PDZRN3: variants seen among roughly 807,000 people sequenced by gnomAD.
PDZRN3 encodes E3 ubiquitin-protein ligase PDZRN3.
A neutral mutation model predicts 85.7 loss-of-function variants in PDZRN3; 38 were observed. The ratio of observed to expected loss-of-function variants is 0.44; its 90% confidence interval spans 0.34 to 0.58. The LOEUF (loss-of-function observed/expected upper bound fraction) is 0.58, where lower values mean the gene tolerates loss of function less well. Ranked by LOEUF, PDZRN3 falls within the 20% of genes least tolerant of loss-of-function variation. PDZRN3 has a pLI of 0.01. For synonymous variants in PDZRN3, 759 were observed against 638.0 expected, an observed-to-expected ratio of 1.19 and a Z score of -2.86; for missense variants, 1,629 against 1,506.4, an observed-to-expected ratio of 1.08 and a Z score of -1.35.
intron 3 of PDZRN3, among the ~76,000 whole-genome samples, chr3:73,481,487 T>C (rs1703559545): frequency 6.6e-6 from 1 of 151,676 alleles, no homozygotes; most frequent in Non-Finnish European, 1.5e-5. Flanking sequence ...TGCGCCTTCA[T>C]GGCTGGCTAA....
At chr3:73,584,457 GTGTGTGT>G (rs765979656) in intron 3 of PDZRN3, among the ~76,000 whole-genome samples, 1,015 of 52,782 alleles carry the variant, frequency 0.019, 5 homozygotes, top group African/African-American at 0.037. Flanking sequence ...TTAATGGTGT[GTGTGTGT>G]GTGTGTGTGT....
At chr3:73,499,112 G>A (rs2106680131) in intron 3 of PDZRN3, among the ~76,000 whole-genome samples, 1 of 152,232 alleles carries the variant, frequency 6.6e-6, no homozygotes, top group African/African-American at 2.4e-5. Flanking sequence ...TGGTTCTTAT[G>A]CTCCGTAATC....
chr3:73,583,804 C>G (rs1159525480), intron 3 of PDZRN3, among the ~76,000 whole-genome samples: 2 of 152,182 alleles, frequency 1.3e-5, no homozygotes, highest in Admixed American at 6.5e-5. Context: ...ACCTTAGACT[C>G]TGCTCACAGG....
intron 3 of PDZRN3, among the ~76,000 whole-genome samples, chr3:73,532,479 C>G (rs1476347886): frequency 6.6e-6 from 1 of 152,196 alleles, no homozygotes; most frequent in African/African-American, 2.4e-5. Flanking sequence ...TATCGTGCGC[C>G]AGGCATTGTG....
At chr3:73,602,273 C>T in intron 3 of PDZRN3, 81 bp downstream of exon 3, 1 of 775,064 alleles carries the variant, frequency 1.3e-6, no homozygotes, top group East Asian at 2.5e-5. Context: ...CCTCCCTCCC[C>T]AGTCAAACAT....
In PDZRN3 at chr3:73,389,852, C is replaced by T; in HGVS notation, c.1380G>A (p.Lys460=). 6.2e-7 allele frequency: 1 copy of T among 1,613,926 alleles called. No homozygotes were observed. Among genetic ancestry groups the T allele is most frequent in the Non-Finnish European group, 8.5e-7 (1 of 1,179,804 alleles). Residue 460 remains lysine, a synonymous_variant, in exon 7 of 10, where the codon AAG becomes AAA. Transcript: ENST00000263666. ...GGTCTCCTTCTCGGATGCGCCCATC[C>T]TTGGCTGCAATGCTGTTAGGGTCAA... ...SEIDPNSIAA[K]DGRIREGDRI...
intron 3 of PDZRN3, among the ~76,000 whole-genome samples, chr3:73,479,869 A>G (rs768927164): frequency 5.3e-5 from 8 of 152,218 alleles, no homozygotes; most frequent in Non-Finnish European, 8.8e-5. Context: ...CTAAACATGT[A>G]TGAGTTGCGG....
intron 3 of PDZRN3, among the ~76,000 whole-genome samples, chr3:73,463,971 T>C (rs983063125): frequency 6.6e-6 from 1 of 151,722 alleles, no homozygotes; most frequent in African/African-American, 2.4e-5. Context: ...GTGCTATGTA[T>C]TCTTTTTTAT....
chr3:73,573,522 T>G (rs1029978135), intron 3 of PDZRN3, among the ~76,000 whole-genome samples: 1 of 152,186 alleles, frequency 6.6e-6, no homozygotes, highest in Admixed American at 6.5e-5. Context: ...CAGTCACATA[T>G]TGCCTGTAAC....
intron 3 of PDZRN3, among the ~76,000 whole-genome samples, chr3:73,542,965 T>C (rs1367643696): frequency 2.0e-5 from 3 of 152,192 alleles, no homozygotes; most frequent in Non-Finnish European, 4.4e-5. Context: ...GATACTTTCC[T>C]GTGTGTACTC....
intron 3 of PDZRN3, among the ~76,000 whole-genome samples, chr3:73,562,432 C>T (rs552812006): frequency 1.3e-5 from 2 of 152,094 alleles, no homozygotes; most frequent in East Asian, 1.9e-4. Flanking sequence ...TGAAATTAGA[C>T]GTGGTTTCCA....
At chr3:73,523,603 T>C (rs998372623) in intron 3 of PDZRN3, among the ~76,000 whole-genome samples, 3 of 152,130 alleles carry the variant, frequency 2.0e-5, no homozygotes, top group African/African-American at 7.2e-5. Flanking sequence ...TAAGGAATAC[T>C]ATGAAAAAAT....
intron 3 of PDZRN3, among the ~76,000 whole-genome samples, chr3:73,457,236 C>T (rs904554746): frequency 2.0e-5 from 3 of 152,018 alleles, no homozygotes; most frequent in African/African-American, 7.2e-5. Flanking sequence ...CCATGCCCGG[C>T]TAATTTTTGT....
chr3:73,566,344 C>T (rs1701950122), intron 3 of PDZRN3, among the ~76,000 whole-genome samples: 1 of 152,148 alleles, frequency 6.6e-6, no homozygotes, highest in Non-Finnish European at 1.5e-5. Context: ...TTTACATGAA[C>T]TGTGAGCACA....
At chr3:73,410,990 G>C (rs57106233) in intron 3 of PDZRN3, among the ~76,000 whole-genome samples, 6,154 of 152,326 alleles carry the variant, frequency 0.04, 128 homozygotes, top group Middle Eastern at 0.051. Context: ...TTGGCAACAA[G>C]CTGTTTCTAC....
At chr3:73,532,309 A>G (rs1472909040) in intron 3 of PDZRN3, among the ~76,000 whole-genome samples, 2 of 152,128 alleles carry the variant, frequency 1.3e-5, no homozygotes, top group African/African-American at 4.8e-5. Flanking sequence ...CCAAATTCCA[A>G]GCATTTTTAA....
chr3:73,526,935 G>A (rs1333282662), intron 3 of PDZRN3, among the ~76,000 whole-genome samples: 5 of 151,946 alleles, frequency 3.3e-5, no homozygotes, highest in Non-Finnish European at 7.4e-5. Flanking sequence ...TGCAACCTCC[G>A]CCTCCTGGGT....
At chr3:73,474,974 A>G (rs770783958) in intron 3 of PDZRN3, among the ~76,000 whole-genome samples, 5 of 152,184 alleles carry the variant, frequency 3.3e-5, no homozygotes, top group Non-Finnish European at 7.4e-5. Flanking sequence ...TCAAAGAGTC[A>G]GGCAGAATGG....
chr3:73,400,233 AAAATAT>A (rs1701721832), intron 5 of PDZRN3, among the ~76,000 whole-genome samples: 1 of 152,240 alleles, frequency 6.6e-6, no homozygotes, highest in Admixed American at 6.5e-5. Flanking sequence ...TGTTTTCCCC[AAAATAT>A]AAATATATTA....
Sources: gnomAD v4.1 joint callset for allele counts (sites outside exome capture counted in the v4.1 genomes callset) on GRCh38, gnomAD v4.1.1 for gene constraint, MANE v1.5 for transcripts, NCBI Gene and HGNC (gene_info 2026-07-23, HGNC 2026-07-21) for gene names.